CENPP: variants seen among roughly 807,000 people sequenced by gnomAD.
CENPP encodes the protein centromere protein P.
Under a neutral mutation model 35.6 loss-of-function variants are expected in CENPP, and 24 were observed. That is an observed-to-expected ratio of 0.67 (90% confidence interval 0.49 to 0.95). CENPP has a LOEUF of 0.95. Among genes scored for constraint, CENPP ranks in the 40% least tolerant of loss-of-function variants. The probability of loss-of-function intolerance (pLI) is 0.00; values close to 1 mark genes in which losing one functional copy is unlikely to be tolerated. For missense variants in CENPP, 332 were observed against 345.3 expected (o/e 0.96, Z 0.31); for synonymous variants, 120 against 125.5 (o/e 0.96, Z 0.29).
intron 5 of CENPP, chr9:92,417,426 AT>A: frequency 6.2e-7 from 1 of 1,614,094 alleles, no homozygotes; most frequent in Non-Finnish European, 8.5e-7. Flanking sequence ...TTTTGACGAA[AT>A]GGGAATCCTG....
At chr9:92,506,108 T>C (rs1339977047) in intron 5 of CENPP, among the ~76,000 whole-genome samples, 2 of 152,070 alleles carry the variant, frequency 1.3e-5, no homozygotes, top group East Asian at 3.9e-4. Context: ...TGCAAAGACA[T>C]AGATGTATGA....
chr9:92,369,829 T>A (rs1014093132), intron 4 of CENPP, among the ~76,000 whole-genome samples: 7 of 152,240 alleles, frequency 4.6e-5, no homozygotes, highest in Non-Finnish European at 1.0e-4. Flanking sequence ...ATTTCTTTCC[T>A]TTGCCTGATT....
chr9:92,515,794 A>G (rs1461948508), intron 5 of CENPP, among the ~76,000 whole-genome samples: 1 of 152,192 alleles, frequency 6.6e-6, no homozygotes. Context: ...TCTCTGTCCC[A>G]GACTCTATAC....
intron 4 of CENPP, among the ~76,000 whole-genome samples, chr9:92,371,503 T>C (rs1330770627): frequency 1.3e-5 from 2 of 152,194 alleles, no homozygotes; most frequent in African/African-American, 2.4e-5. Flanking sequence ...TTTTTAAAAA[T>C]GTTGAGACTT....
At chr9:92,548,224 T>TTCGA (rs1554685745) in intron 5 of CENPP, among the ~76,000 whole-genome samples, 3 of 151,642 alleles carry the variant, frequency 2.0e-5, no homozygotes, top group African/African-American at 7.3e-5. Flanking sequence ...TTGTGGGGTC[T>TTCGA]TTCACTGCTG....
intron 5 of CENPP, among the ~76,000 whole-genome samples, chr9:92,453,338 T>G (rs1263988654): frequency 2.0e-5 from 3 of 152,234 alleles, no homozygotes; most frequent in Middle Eastern, 3.2e-3. Context: ...TCTTTATTTC[T>G]GCCTTCATTT....
intron 5 of CENPP, among the ~76,000 whole-genome samples, chr9:92,401,983 G>C (rs1843134308): frequency 6.6e-6 from 1 of 151,966 alleles, no homozygotes; most frequent in African/African-American, 2.4e-5. Flanking sequence ...CCTCTACTCT[G>C]TGTTTGCACA....
At position 92,578,163 on chromosome 9, in the gene CENPP, T is replaced by C. The variant is rs562159145; in HGVS notation, c.565-33151T>C. ...TTTATGGCTGCATAGTATTCCATGGTGTATATGTGCCACATTTTCTTAATC... is the reference window on the plus strand; with the variant it reads ...TTTATGGCTGCATAGTATTCCATGGCGTATATGTGCCACATTTTCTTAATC... On this transcript the variant is annotated intron_variant, in intron 5 of 7. Transcript: ENST00000375587. Among the ~76,000 whole-genome samples, 556 of 152,188 alleles carry C rather than the reference T, an allele frequency of 3.7e-3. 3 individuals are homozygous for C. The highest frequency in any genetic ancestry group is 6.5e-3 in the Non-Finnish European group (441 of 68,012).
intron 5 of CENPP, among the ~76,000 whole-genome samples, chr9:92,559,800 G>A (rs1004203135): frequency 6.6e-6 from 1 of 152,072 alleles, no homozygotes; most frequent in Non-Finnish European, 1.5e-5. Flanking sequence ...CATGCCTGCT[G>A]TCCTATGTTT....
chr9:92,619,551 G>A lies in CENPP; in HGVS notation c.*6402G>A, dbSNP rs150074671. 1,148 of 1,586,098 alleles carry A rather than the reference G, an allele frequency of 7.2e-4. 9 individuals carry two copies. In the East Asian group the frequency reaches 0.024, roughly 33 times the overall value. ...AGCAGTCCTTGGCAGTCATGGCGAC[G>A]CGGTACTGCTGCACCTGCAGGGGCG... On this transcript the variant is annotated 3_prime_UTR_variant, in exon 8 of 8. Transcript: ENST00000375587.
Position 92,387,325 on chromosome 9 carries a change from G to A in CENPP, c.564+7466G>A, listed in dbSNP as rs559527171. On this transcript the variant is annotated intron_variant, in intron 5 of 7. Coordinates refer to ENST00000375587, the MANE Select transcript of CENPP (RefSeq NM_001012267.3). The stretch of plus-strand genomic sequence containing the variant: ...CAGGGGGTGGAGGTTGCAGTGAGCC[G>A]AGATTGTGCCACTGCACTCCAGCCT... Among the ~76,000 whole-genome samples the A allele has an allele frequency of 5.3e-5, 8 of 151,328 alleles. No homozygotes were observed. In the South Asian group the frequency reaches 1.7e-3, roughly 32 times the overall value.
rs946976417 is a variant in CENPP, at chr9:92,452,325, T to C, written c.564+72466T>C. 1.1e-3 allele frequency among the ~76,000 whole-genome samples: 168 copies of C among 152,270 alleles called. 2 individuals carry two copies. Among genetic ancestry groups the C allele is most frequent in the African/African-American group, 3.7e-3 (155 of 41,560 alleles). ...TAGCATGAAGGGTTGTTGAATTTTG[T>C]CAAAGGCCTTTTCTGCATCTATTGA... On this transcript the variant is annotated intron_variant, in intron 5 of 7. Transcript: ENST00000375587.
intron 5 of CENPP, chr9:92,496,388 T>C: frequency 6.2e-7 from 1 of 1,609,974 alleles, no homozygotes; most frequent in Non-Finnish European, 8.5e-7. Flanking sequence ...AGATGGTATT[T>C]CTCTAATTTT....
At chr9:92,453,980 T>C (rs535403834) in intron 5 of CENPP, among the ~76,000 whole-genome samples, 1 of 151,900 alleles carries the variant, frequency 6.6e-6, no homozygotes, top group East Asian at 1.9e-4. Context: ...AAAAAAAAAG[T>C]TTTTGTTTTA....
chr9:92,501,176 G>T, intron 5 of CENPP: 3 of 969,076 alleles, frequency 3.1e-6, no homozygotes, highest in East Asian at 2.6e-5. Context: ...TTGTAGTGAT[G>T]ATTCCAAATA....
chr9:92,569,048 G>T (rs1369015637), intron 5 of CENPP, among the ~76,000 whole-genome samples: 1 of 152,124 alleles, frequency 6.6e-6, no homozygotes, highest in African/African-American at 2.4e-5. Context: ...TCACTCTGAT[G>T]GTAGTTTCTT....
At chr9:92,468,288 A>G (rs989558351) in intron 5 of CENPP, among the ~76,000 whole-genome samples, 2 of 152,252 alleles carry the variant, frequency 1.3e-5, no homozygotes, top group Admixed American at 6.5e-5. Flanking sequence ...GCCGCGCCAC[A>G]TGGTGGACTG....
intron 5 of CENPP, among the ~76,000 whole-genome samples, chr9:92,438,239 C>T (rs1410184464): frequency 6.6e-6 from 1 of 152,062 alleles, no homozygotes; most frequent in Non-Finnish European, 1.5e-5. Context: ...ATATTTAGGT[C>T]TATGATCTGT....
At chr9:92,328,307 C>T (rs992114629) in intron 1 of CENPP, among the ~76,000 whole-genome samples, 6 of 152,012 alleles carry the variant, frequency 3.9e-5, no homozygotes, top group Non-Finnish European at 8.8e-5. Flanking sequence ...ATGTACCAAG[C>T]TATTTTTTTA....
Sources: gnomAD v4.1 joint callset for allele counts (sites outside exome capture counted in the v4.1 genomes callset) on GRCh38, gnomAD v4.1.1 for gene constraint, MANE v1.5 for transcripts, NCBI Gene and HGNC (gene_info 2026-07-23, HGNC 2026-07-21) for gene names.